The following TMCC1 variants were observed in gnomAD, a reference collection of about 807,000 sequenced individuals.
TMCC1 encodes transmembrane and coiled-coil domain family 1.
In TMCC1, 15 loss-of-function variants were observed where a neutral mutation model predicts 52.4. The observed-to-expected ratio is 0.29, with a 90% CI of 0.19 to 0.44. TMCC1 has a LOEUF of 0.44. TMCC1 is among the 20% of genes least tolerant of loss of function. The probability of loss-of-function intolerance (pLI) is 1.00; values close to 1 mark genes in which losing one functional copy is unlikely to be tolerated. For missense variants in TMCC1, 503 were observed against 806.0 expected, an observed-to-expected ratio of 0.62 and a Z score of 4.55; for synonymous variants, 279 against 301.9, an observed-to-expected ratio of 0.92 and a Z score of 0.79.
intron 5 of TMCC1, among the ~76,000 whole-genome samples, chr3:129,666,460 C>T (rs1021878090): frequency 2.0e-5 from 3 of 152,116 alleles, no homozygotes; most frequent in African/African-American, 4.8e-5. Context: ...GGTTTCTGGC[C>T]GGGCATGGTG....
chr3:129,777,400 C>A (rs1237815935), intron 4 of TMCC1, among the ~76,000 whole-genome samples: 1 of 152,070 alleles, frequency 6.6e-6, no homozygotes, highest in Non-Finnish European at 1.5e-5. Flanking sequence ...ACTAAATTCA[C>A]AAAAGAATGG....
At chr3:129,657,226 C>T (rs2086721953) in intron 5 of TMCC1, among the ~76,000 whole-genome samples, 1 of 152,144 alleles carries the variant, frequency 6.6e-6, no homozygotes, top group South Asian at 2.1e-4. Flanking sequence ...ATGTGTCCCA[C>T]AGGCTACCAC....
intron 4 of TMCC1, among the ~76,000 whole-genome samples, chr3:129,728,604 A>T (rs931033069): frequency 3.9e-5 from 6 of 152,138 alleles, no homozygotes; most frequent in African/African-American, 1.4e-4. Context: ...TTTTTAAAAA[A>T]TTTCTTAACA....
At chr3:129,847,162 GC>G (rs1261290483) in intron 2 of TMCC1, 1 of 152,176 alleles carries the variant, frequency 6.6e-6, no homozygotes, top group Non-Finnish European at 1.5e-5. Context: ...TAGTTACAGT[GC>G]CTTGGCTCAA....
chr3:129,695,257 C>T (rs2047329351), intron 4 of TMCC1, among the ~76,000 whole-genome samples: 1 of 151,880 alleles, frequency 6.6e-6, no homozygotes, highest in Non-Finnish European at 1.5e-5. Context: ...TGGGTGTTGT[C>T]TATTGGACCC....
At chr3:129,734,073 T>C (rs1420517121) in intron 4 of TMCC1, among the ~76,000 whole-genome samples, 3 of 152,218 alleles carry the variant, frequency 2.0e-5, no homozygotes, top group African/African-American at 4.8e-5. Context: ...GATAAATTAG[T>C]ATATACTAGA....
intron 4 of TMCC1, among the ~76,000 whole-genome samples, chr3:129,796,078 G>C (rs1406619596): frequency 3.3e-5 from 5 of 152,272 alleles, no homozygotes; most frequent in Admixed American, 2.0e-4. Context: ...TGACATTTCA[G>C]TTAACAACTA....
At chr3:129,801,551 C>T (rs2717256) in intron 4 of TMCC1, among the ~76,000 whole-genome samples, 150,067 of 152,226 alleles carry the variant, frequency 0.99, 74,006 homozygotes, top group East Asian at 1. Context: ...ACCCTCTGCC[C>T]CCCAGGTTAA....
chr3:129,764,531 G>A (rs1030034613), intron 4 of TMCC1, among the ~76,000 whole-genome samples: 15 of 152,054 alleles, frequency 9.9e-5, no homozygotes, highest in African/African-American at 3.6e-4. Flanking sequence ...TACAGAGAAA[G>A]AAGGCTGATG....
chr3:129,854,695 C>T (rs1172201255), intron 2 of TMCC1, among the ~76,000 whole-genome samples: 2 of 152,200 alleles, frequency 1.3e-5, no homozygotes, highest in African/African-American at 4.8e-5. Flanking sequence ...TCTATCCTTT[C>T]TTTGCCAAGT....
At chr3:129,849,242 C>T (rs927301091) in intron 2 of TMCC1, among the ~76,000 whole-genome samples, 20 of 152,116 alleles carry the variant, frequency 1.3e-4, no homozygotes, top group African/African-American at 4.8e-4. Context: ...GTGGGCAGAT[C>T]ACCTGAGGTC....
Position 129,804,717 on chromosome 3 carries a change from A to G in TMCC1, c.576+23086T>C, listed in dbSNP as rs777975815. 2.0e-5 allele frequency among the ~76,000 whole-genome samples: 3 copies of G among 152,260 alleles called. No individual in the cohort carries two copies. In the South Asian group the frequency reaches 6.2e-4, roughly 32 times the overall value. On this transcript the variant is annotated intron_variant, in intron 4 of 6. Coordinates refer to ENST00000393238, the MANE Select transcript of TMCC1 (RefSeq NM_001017395.5). ...GCACGGTATATCTAATTGTCACATC[A>G]ATGAATTTACAGCCTTCAGCCTCAG... is the stretch of plus-strand genomic sequence containing the variant.
chr3:129,858,123 A>G (rs926733126), intron 2 of TMCC1, among the ~76,000 whole-genome samples: 3 of 152,134 alleles, frequency 2.0e-5, no homozygotes, highest in Non-Finnish European at 4.4e-5. Context: ...GATAAGAAAA[A>G]TGAGCCTAAA....
At chr3:129,738,853 C>A (rs146201692) in intron 4 of TMCC1, among the ~76,000 whole-genome samples, 1 of 152,200 alleles carries the variant, frequency 6.6e-6, no homozygotes, top group Non-Finnish European at 1.5e-5. Flanking sequence ...GGGTCTCACT[C>A]TGTCACCCAG....
intron 4 of TMCC1, among the ~76,000 whole-genome samples, chr3:129,671,685 A>T (rs2087956112): frequency 1.3e-5 from 2 of 152,192 alleles, no homozygotes; most frequent in South Asian, 4.1e-4. Context: ...TTCAGACATC[A>T]CTGTAATTCT....
rs1295799148 is a variant in TMCC1 at position 129,717,097 on chromosome 3, C to T, written c.577-45833G>A. On this transcript the variant is annotated intron_variant, in intron 4 of 6. Coordinates refer to ENST00000393238, the MANE Select transcript of TMCC1 (RefSeq NM_001017395.5). ...ACTCCATTCCCTTCACCAGTTACTT[C>T]CCCAGTTACTTCTTCCTACTGCAGT... Among the ~76,000 whole-genome samples the T allele has an allele frequency of 2.6e-5, 4 of 152,312 alleles. No homozygotes were observed. The East Asian group carries it at 7.7e-4, about 29-fold the overall frequency.
chr3:129,832,290 A>G (rs777796383), intron 3 of TMCC1, among the ~76,000 whole-genome samples: 15 of 152,230 alleles, frequency 9.9e-5, no homozygotes, highest in South Asian at 4.1e-4. Context: ...TAAAGTTATT[A>G]TAAGTAAACC....
At chr3:129,872,555 T>C (rs1276892127) in intron 2 of TMCC1, among the ~76,000 whole-genome samples, 2 of 152,216 alleles carry the variant, frequency 1.3e-5, no homozygotes, top group South Asian at 2.1e-4. Flanking sequence ...TTCCTTCCCA[T>C]GTAAAATGAC....
At chr3:129,694,757 T>C (rs896380936) in intron 4 of TMCC1, among the ~76,000 whole-genome samples, 1 of 152,184 alleles carries the variant, frequency 6.6e-6, no homozygotes, top group African/African-American at 2.4e-5. Context: ...GTTTAGCATA[T>C]AATCAAGAAA....
Sources: gnomAD v4.1 joint callset for allele counts (sites outside exome capture counted in the v4.1 genomes callset) on GRCh38, gnomAD v4.1.1 for gene constraint, MANE v1.5 for transcripts, NCBI Gene and HGNC (gene_info 2026-07-23, HGNC 2026-07-21) for gene names.